The following ESRRB variants were observed in gnomAD, a reference collection of about 807,000 sequenced individuals.
ESRRB encodes estrogen related receptor beta.
A neutral mutation model predicts 46.0 loss-of-function variants in ESRRB; 16 were observed. The observed-to-expected ratio is 0.35, with a 90% CI of 0.24 to 0.53. The LOEUF (loss-of-function observed/expected upper bound fraction) is 0.53. Ranked by LOEUF, ESRRB falls within the 20% of genes least tolerant of loss-of-function variation. ESRRB has a pLI of 0.93. For missense variants in ESRRB, 488 were observed against 607.4 expected (o/e 0.80, Z 2.07); for synonymous variants, 246 against 259.6 (o/e 0.95, Z 0.50).
chr14:76,413,245 CT>C (rs1258848080), intron 1 of ESRRB, among the ~76,000 whole-genome samples: 4 of 152,318 alleles, frequency 2.6e-5, no homozygotes, highest in Non-Finnish European at 5.9e-5. Context: ...GTCGAAACCC[CT>C]GGTGTTGAAT....
At chr14:76,403,377 G>A (rs972477113) in intron 1 of ESRRB, among the ~76,000 whole-genome samples, 1 of 152,112 alleles carries the variant, frequency 6.6e-6, no homozygotes, top group Middle Eastern at 3.2e-3. Flanking sequence ...CAAAACAGAG[G>A]CCTCACCAGG....
intron 1 of ESRRB, among the ~76,000 whole-genome samples, chr14:76,332,595 ATATAT>A (rs1464884233): frequency 1.6e-3 from 59 of 35,952 alleles, no homozygotes; most frequent in African/African-American, 6.8e-3. Flanking sequence ...TTTATATATT[ATATAT>A]TATATATTTA....
chr14:76,445,203 C>G (rs927959257), intron 2 of ESRRB, among the ~76,000 whole-genome samples: 5 of 147,900 alleles, frequency 3.4e-5, no homozygotes, highest in Non-Finnish European at 5.9e-5. Context: ...GGTGCGATGG[C>G]TCACACCTGT....
At chr14:76,361,367 G>T (rs140312628) in intron 1 of ESRRB, among the ~76,000 whole-genome samples, 173 of 152,282 alleles carry the variant, frequency 1.1e-3, no homozygotes, top group African/African-American at 2.8e-3. Context: ...GTGAGGTGAG[G>T]TGAGCTCAAT....
intron 2 of ESRRB, among the ~76,000 whole-genome samples, chr14:76,459,437 T>C (rs984522154): frequency 6.6e-6 from 1 of 151,838 alleles, no homozygotes; most frequent in East Asian, 1.9e-4. Context: ...GGAGGGAGCA[T>C]AGAGAGTCTG....
At chr14:76,483,336 T>C (rs972546517) in intron 5 of ESRRB, among the ~76,000 whole-genome samples, 1 of 152,234 alleles carries the variant, frequency 6.6e-6, no homozygotes, top group African/African-American at 2.4e-5. Flanking sequence ...ATCCTGTGTG[T>C]GAAGTGTTCG....
intron 1 of ESRRB, among the ~76,000 whole-genome samples, chr14:76,395,751 A>G (rs1242915816): frequency 6.6e-6 from 1 of 150,418 alleles, no homozygotes; most frequent in Non-Finnish European, 1.5e-5. Context: ...AAAATTATAA[A>G]TTCATTTTAA....
chr14:76,390,470 T>C (rs1885422567), intron 1 of ESRRB, among the ~76,000 whole-genome samples: 1 of 151,734 alleles, frequency 6.6e-6, no homozygotes, highest in South Asian at 2.1e-4. Flanking sequence ...GCCTGGAAAA[T>C]AAAGCAAGAC....
At chr14:76,462,799 C>A (rs1164538149) in intron 3 of ESRRB, 138 bp downstream of exon 3, 2 of 750,124 alleles carry the variant, frequency 2.7e-6, no homozygotes, top group African/African-American at 1.7e-5. Context: ...CCTCCCACAC[C>A]CTGCCAGCCT....
At chr14:76,403,949 C>T (rs1886053271) in intron 1 of ESRRB, among the ~76,000 whole-genome samples, 1 of 152,154 alleles carries the variant, frequency 6.6e-6, no homozygotes, top group African/African-American at 2.4e-5. Flanking sequence ...GAACTCCTGA[C>T]TTCAGGTGAT....
intron 3 of ESRRB, chr14:76,463,457 T>TGTTTGTTTG (rs1888973317): frequency 7.8e-6 from 1 of 128,424 alleles, no homozygotes. Context: ...TTTTTTTTTT[T>TGTTTGTTTG]TTTTTTGGAG....
intron 3 of ESRRB, among the ~76,000 whole-genome samples, chr14:76,481,206 T>C (rs1889792936): frequency 6.6e-6 from 1 of 152,232 alleles, no homozygotes; most frequent in Admixed American, 6.5e-5. Flanking sequence ...GAGCTGTGTG[T>C]CCACCTGAGG....
intron 1 of ESRRB, among the ~76,000 whole-genome samples, chr14:76,419,785 A>G (rs1036994442): frequency 1.3e-5 from 2 of 152,170 alleles, no homozygotes; most frequent in African/African-American, 4.8e-5. Context: ...GTCATGGAGG[A>G]AAGAAGGGCA....
chr14:76,327,401 T>G (rs1249691942), intron 1 of ESRRB, among the ~76,000 whole-genome samples: 1 of 152,190 alleles, frequency 6.6e-6, no homozygotes, highest in African/African-American at 2.4e-5. Context: ...CTTGTTAAAT[T>G]CTACTGAAAG....
chr14:76,481,155 T>C (rs560964088), intron 3 of ESRRB, among the ~76,000 whole-genome samples: 27 of 152,336 alleles, frequency 1.8e-4, no homozygotes, highest in Non-Finnish European at 2.9e-4. Context: ...TTGTTGGGAT[T>C]CATCCTTGCA....
intron 1 of ESRRB, among the ~76,000 whole-genome samples, chr14:76,314,227 G>C (rs1399317745): frequency 6.6e-6 from 1 of 152,162 alleles, no homozygotes; most frequent in Non-Finnish European, 1.5e-5. Flanking sequence ...GGAGAGAGGG[G>C]AGTCATTCCA....
intron 1 of ESRRB, among the ~76,000 whole-genome samples, chr14:76,416,916 A>T (rs779627943): frequency 8.5e-5 from 13 of 152,208 alleles, no homozygotes; most frequent in Non-Finnish European, 1.5e-4. Context: ...CAATAAAACA[A>T]ATAATAGAAT....
At chr14:76,497,316 G>A (rs1233592329) in intron 6 of ESRRB, among the ~76,000 whole-genome samples, 1 of 152,116 alleles carries the variant, frequency 6.6e-6, no homozygotes, top group East Asian at 1.9e-4. Flanking sequence ...GTCCCCACAG[G>A]AATAACACTA....
In ESRRB at chr14:76,400,492, C is replaced by T. The variant is rs139108807; in HGVS notation, c.50+24041C>T. 4.2e-3 allele frequency among the ~76,000 whole-genome samples: 634 copies of T among 152,326 alleles called. 6 individuals carry two copies. Among genetic ancestry groups the T allele is most frequent in the African/African-American group, 0.014 (584 of 41,564 alleles). ...CTGATTCTCAGGTTAGAGTCTTCCT[C>T]ATTTGGGATGTGAAAATGGTTTTTC... On this transcript the variant is annotated intron_variant, in intron 1 of 6. Coordinates refer to ENST00000644823, the MANE Select transcript of ESRRB (RefSeq NM_001379180.1).
Sources: gnomAD v4.1 joint callset for allele counts (sites outside exome capture counted in the v4.1 genomes callset) on GRCh38, gnomAD v4.1.1 for gene constraint, MANE v1.5 for transcripts, NCBI Gene and HGNC (gene_info 2026-07-23, HGNC 2026-07-21) for gene names.